FGA: variants seen among roughly 807,000 people sequenced by gnomAD.
The protein encoded by FGA is fibrinogen alpha chain.
FGA carries 20 observed loss-of-function variants against 20.3 expected under a neutral mutation model. The ratio of observed to expected loss-of-function variants is 0.99; its 90% CI spans 0.69 to 1.43. FGA has a LOEUF of 1.43. Among genes scored for constraint, FGA ranks in the 40% most tolerant of loss-of-function variants. The pLI is 0.00. For synonymous variants in FGA, 306 were observed against 281.6 expected, an observed-to-expected ratio of 1.09 and a Z score of -0.87; for missense variants, 777 against 784.7, an observed-to-expected ratio of 0.99 and a Z score of 0.12.
downstream of FGA, chr4:154,584,799 A>G (rs1268166395): frequency 6.2e-7 from 1 of 1,613,994 alleles, no homozygotes; most frequent in Non-Finnish European, 8.5e-7. Context: ...CACTTTGGGT[A>G]CCTGAAGGAT....
rs764062242 is a variant in FGA at position 154,586,762 on chromosome 4, G to C, written c.667C>G (p.Leu223Val). ...LPSRDRQHLPLIKMKPVPDLV... is the reference protein window; with the variant it reads ...LPSRDRQHLPVIKMKPVPDLV... ...TCTGGAACTGGTTTCATTTTTATCA[G>C]TGGTAAGTGTTGCCTATCTCTAGAG... The change falls in exon 5 of 5, where the codon CTG becomes GTG. Residue 223 changes from leucine to valine, a missense_variant. Physicochemically the swap from Leu to Val is conservative, Grantham distance 32 (BLOSUM62 1). Transcript: ENST00000403106. 8 of 1,614,164 alleles carry C rather than the reference G, an allele frequency of 5.0e-6. No individual in the cohort carries two copies. In the South Asian group the frequency reaches 8.8e-5, roughly 18 times the overall value.
At chr4:154,587,350 T>G (rs1308920682) in intron 4 of FGA, among the ~76,000 whole-genome samples, 162 bp downstream of exon 4, 3 of 152,198 alleles carry the variant, frequency 2.0e-5, no homozygotes, top group Non-Finnish European at 2.9e-5. Context: ...CTCTGAATTT[T>G]TTTTCTTCAA....
chr4:154,587,803 G>GAAAGAAAGAAAGAAAGAA lies in FGA; in HGVS notation c.365-147_365-146insTTCTTTCTTTCTTTCTTT, dbSNP rs1553964329. 4.5e-5 allele frequency: 30 copies of GAAAGAAAGAAAGAAAGAA among 664,468 alleles called. 1 individual carries two copies. The East Asian group carries it at 5.0e-4, about 11-fold the overall frequency. 41.2% of individuals were successfully genotyped at this position (664,468 alleles called of 1,614,324 possible). On this transcript the variant is annotated intron_variant, in intron 3 of 4. Coordinates refer to ENST00000403106, the MANE Select transcript of FGA (RefSeq NM_021871.4). Reference sequence around the variant, plus strand: ...AGAAAGAAAGAAAGAAAGAAAGAAAGAGAAAAAAGAAAGAAAGAAACTAGC... The same window carrying GAAAGAAAGAAAGAAAGAA: ...AGAAAGAAAGAAAGAAAGAAAGAAAGAAAGAAAGAAAGAAAGAAAGAAAAAAGAAAGAAAGAAACTAGC...
At position 154,585,785 on chromosome 4, in the gene FGA, G is replaced by A. The variant is rs368704885; in HGVS notation, c.1644C>T (p.Gly548=). 5.6e-6 allele frequency: 9 copies of A among 1,614,026 alleles called. No individual in the cohort carries two copies. Among genetic ancestry groups the A allele is most frequent in the Admixed American group, 1.7e-5 (1 of 60,002 alleles). ...GEFVSETESR[G]SESGIFTNTK... is the part of the protein sequence containing the mutation. ...TATTTGTGAAGATGCCAGATTCTGA[G>A]CCCCTAGACTCAGTCTCACTGACAA... Residue 548 remains glycine, a synonymous_variant, in exon 5 of 5, where the codon GGC becomes GGT. Transcript: ENST00000403106.
chr4:154,588,403 T>C (rs544153297), intron 3 of FGA, among the ~76,000 whole-genome samples: 1 of 152,108 alleles, frequency 6.6e-6, no homozygotes, highest in African/African-American at 2.4e-5. Context: ...AGTCTGGGAG[T>C]TGAATTCCCA....
chr4:154,584,116 T>TCGAAGACAGAGTGCTCCCATTCCCACTC, downstream of FGA: 1 of 1,607,084 alleles, frequency 6.2e-7, no homozygotes, highest in Non-Finnish European at 8.5e-7. Context: ...CATTCCCACT[T>TCGAAGACAGAGTGCTCCCATTCCCACTC]CTTCAGCCTA....
Position 154,586,290 on chromosome 4 carries a change from G to T in FGA, c.1139C>A (p.Ser380Tyr). The T allele has an allele frequency of 6.2e-7, 1 of 1,614,208 alleles. No homozygotes were observed. Among genetic ancestry groups the T allele is most frequent in the Non-Finnish European group, 8.5e-7 (1 of 1,180,034 alleles). ...AGAGTGCCATTGTCCAGTACTACCA[G>T]ATACAGAGCTCTCAGAGGTCCAGTG... ...AGHWTSESSVSGSTGQWHSES... is the reference protein window; with the variant it reads ...AGHWTSESSVYGSTGQWHSES... Residue 380 changes from serine (S) to tyrosine (Y), a missense_variant, in exon 5 of 5, where the codon TCT (serine) becomes TAT (tyrosine). Ser to Tyr is a moderately radical substitution (Grantham distance 144). Coordinates refer to ENST00000403106, the MANE Select transcript of FGA (RefSeq NM_021871.4).
chr4:154,584,182 C>T (rs771147131), downstream of FGA: 4 of 1,611,470 alleles, frequency 2.5e-6, no homozygotes, highest in Admixed American at 3.3e-5. Flanking sequence ...ATAATCTGCC[C>T]CTCTAAAGGA....
At position 154,585,969 on chromosome 4, in the gene FGA, T is replaced by C; in HGVS notation, c.1460A>G (p.Asp487Gly). ...EVTKEVVTSE[D>G]GSDCPEAMDL... ...CATTGCCTCGGGACAGTCAGAACCA[T>C]CTTCGGAGGTCACCACTTCTTTGGT... Residue 487 changes from aspartate (D) to glycine (G), a missense_variant, in exon 5 of 5, where the codon GAT becomes GGT. Coordinates refer to ENST00000403106, the MANE Select transcript of FGA (RefSeq NM_021871.4). 6.2e-7 allele frequency: 1 copy of C among 1,614,162 alleles called. No individual in the cohort carries two copies.
At chr4:154,584,312 C>T (rs1730655805), downstream of FGA, 2 of 1,614,104 alleles carry the variant, frequency 1.2e-6, no homozygotes, top group South Asian at 1.1e-5. Flanking sequence ...CACCAGCCTC[C>T]CCCATAGACT....
In FGA at chr4:154,585,385, C is replaced by T. The variant is rs1730679807; in HGVS notation, c.*109G>A. 4.6e-6 allele frequency: 5 copies of T among 1,087,460 alleles called. No homozygotes were observed. The highest frequency in any genetic ancestry group is 6.7e-6 in the Non-Finnish European group (5 of 751,838). 67.4% of individuals were successfully genotyped at this position (1,087,460 alleles called of 1,614,324 possible). A position where few individuals can be genotyped will look rare whatever the true frequency, so the allele number is the denominator to read the frequency against. On this transcript the variant is annotated 3_prime_UTR_variant, in exon 5 of 5. Coordinates refer to ENST00000403106, the MANE Select transcript of FGA (RefSeq NM_021871.4). ...GCCCTGCCCCCAAGGAACTTACAGT[C>T]TAGCACAAAAACAGACCAAAAAAGT...
chr4:154,587,411 C>T, intron 4 of FGA, 101 bp downstream of exon 4: 1 of 1,102,616 alleles, frequency 9.1e-7, no homozygotes, highest in Non-Finnish European at 1.4e-6. Flanking sequence ...ATGGATATAA[C>T]ACTTTTCTCT....
rs762123879 is a variant in FGA at position 154,585,549 on chromosome 4, C to A, written c.1880G>T (p.Arg627Leu). ...AGAAGTGTGGATACCTCTGACAGGG[C>A]GAGATTTAGCATGGCCTCTCTTGGT... ...HSTKRGHAKS[R>L]PVRGIHTSPL... Residue 627 changes from arginine (R) to leucine (L), a missense_variant, in exon 5 of 5, where the codon CGC becomes CTC. Coordinates refer to ENST00000403106, the MANE Select transcript of FGA (RefSeq NM_021871.4). 22 of 1,613,852 alleles carry A rather than the reference C, an allele frequency of 1.4e-5. No homozygotes were observed. In the East Asian group the frequency reaches 4.5e-4, roughly 33 times the overall value.
At position 154,588,872 on chromosome 4, in the gene FGA, A is replaced by C; in HGVS notation, c.285T>G (p.Tyr95Ter). ...INKLKNSLFEYQKNNKDSHSL... is the reference protein window; with the variant it reads ...INKLKNSLFE ...AATGAGAATCCTTATTGTTCTTCTG[A>C]TATTCAAATAGTGAATTTTTGAGCT... The change falls in exon 3 of 5, where the codon TAT (tyrosine) becomes TAG (stop). Residue 95 changes from tyrosine (Y) to a stop codon, truncating the protein, a stop_gained. Transcript: ENST00000403106. LOFTEE classifies it high-confidence loss of function. 2 of 1,611,286 alleles carry C rather than the reference A, an allele frequency of 1.2e-6. No homozygotes were observed. Among genetic ancestry groups the C allele is most frequent in the Non-Finnish European group, 1.7e-6 (2 of 1,177,810 alleles).
At chr4:154,584,835 TAA>T, downstream of FGA, 2 of 1,518,540 alleles carry the variant, frequency 1.3e-6, no homozygotes, top group Non-Finnish European at 9.0e-7. Context: ...CATCACAGTC[TAA>T]AAAAAAAATT....
Position 154,586,117 on chromosome 4 carries a change from C to A in FGA, c.1312G>T (p.Gly438Ter). ...TTACCAGTCCTGAGCTCTTTATCTCCTTTAGAAGTGACCAGTTTTTCTGTG... is the reference window on the plus strand; with the variant it reads ...TTACCAGTCCTGAGCTCTTTATCTCATTTAGAAGTGACCAGTTTTTCTGTG... Reference protein sequence around the residue: ...YHTEKLVTSKGDKELRTGKEK... With the variant: ...YHTEKLVTSK The change falls in exon 5 of 5, where the codon GGA (glycine) becomes TGA (stop). Residue 438 changes from glycine to a stop codon, truncating the protein, a stop_gained. Coordinates refer to ENST00000403106, the MANE Select transcript of FGA (RefSeq NM_021871.4). LOFTEE classifies it low-confidence loss of function (END_TRUNC). 1 of 1,614,184 alleles carries A rather than the reference C, an allele frequency of 6.2e-7. No homozygotes were observed. Among genetic ancestry groups the A allele is most frequent in the Non-Finnish European group, 8.5e-7 (1 of 1,180,020 alleles).
Position 154,586,368 on chromosome 4 carries a change from G to C in FGA, c.1061C>G (p.Pro354Arg). Residue 354 changes from proline to arginine, a missense_variant, in exon 5 of 5, where the codon CCT becomes CGT. Physicochemically the swap from Pro to Arg is moderately radical, Grantham distance 103. Coordinates refer to ENST00000403106, the MANE Select transcript of FGA (RefSeq NM_021871.4). ...TGNQNPGSPR[P>R]GSTGTWNPGS... ...AGGATTCCAGGTTCCGGTACTACCA[G>C]GTCTAGGGCTCCCAGGGTTTTGGTT... 1.2e-6 allele frequency: 2 copies of C among 1,614,180 alleles called. No homozygotes were observed. The highest frequency in any genetic ancestry group is 1.7e-6 in the Non-Finnish European group (2 of 1,180,034).
Position 154,590,664 on chromosome 4 carries a change from G to C in FGA, c.24C>G (p.Cys8Trp). The C allele has an allele frequency of 6.4e-7, 1 of 1,558,542 alleles. No individual in the cohort carries two copies. The highest frequency in any genetic ancestry group is 8.7e-7 in the Non-Finnish European group (1 of 1,150,410). Residue 8 changes from cysteine to tryptophan, a missense_variant, in exon 1 of 5, where the codon TGC becomes TGG. Cys to Trp is a radical substitution (Grantham distance 215, BLOSUM62 -2). Transcript: ENST00000403106. MFSMRIV[C>W]LVLSVVGTAW... ...CTGTGCCCACCACACTTAGGACCAG[G>C]CAGACGATCCTCATGGAAAACATCT...
Position 154,587,557 on chromosome 4 carries a change from C to T in FGA, c.465G>A (p.Leu155=). ...VIEKVQHIQL[L]QKNVRAQLVD... Reference sequence around the variant, plus strand: ...CCAACTGAGCTCTAACATTTTTCTGCAGAAGCTGGATATGCTGTACTTTTT... The same window carrying T: ...CCAACTGAGCTCTAACATTTTTCTGTAGAAGCTGGATATGCTGTACTTTTT... The change falls in exon 4 of 5, where the codon CTG becomes CTA. Residue 155 remains leucine (L), a synonymous_variant. Coordinates refer to ENST00000403106, the MANE Select transcript of FGA (RefSeq NM_021871.4). 1.2e-6 allele frequency: 2 copies of T among 1,613,980 alleles called. No individual in the cohort carries two copies. The highest frequency in any genetic ancestry group is 1.7e-6 in the Non-Finnish European group (2 of 1,179,982).
Sources: allele counts gnomAD v4.1 joint callset (sites outside exome capture counted in the v4.1 genomes callset), GRCh38; gene constraint gnomAD v4.1.1; transcripts MANE v1.5; gene names NCBI Gene and HGNC (gene_info 2026-07-23, HGNC 2026-07-21).